Variants in ACVR2B observed in about 807,000 individuals in gnomAD.
ACVR2B encodes the protein activin receptor type-2B.
In ACVR2B, 18 loss-of-function variants were observed where a neutral mutation model predicts 65.1. The observed-to-expected ratio is 0.28, with a 90% CI of 0.19 to 0.41. The LOEUF is 0.41. Ranked by LOEUF, ACVR2B falls within the 10% of genes least tolerant of loss-of-function variation. The pLI is 1.00. For synonymous variants in ACVR2B, 298 were observed against 277.7 expected (o/e 1.07, Z -0.73); for missense variants, 482 against 682.7 (o/e 0.71, Z 3.28).
At position 38,478,409 on chromosome 3, in the gene ACVR2B, G is replaced by A; in HGVS notation, c.557G>A (p.Gly186Asp). ...PGPPPPSPLV[G>D]LKPLQLLEIK... is the part of the protein sequence containing the mutation. ...CCTCCACCACCATCCCCTCTGGTGG[G>A]CCTGAAGCCACTGCAGCTGCTGGAG... Residue 186 changes from glycine (G) to aspartate (D), a missense_variant, in exon 5 of 11, where the codon GGC becomes GAC. Coordinates refer to ENST00000352511, the MANE Select transcript of ACVR2B (RefSeq NM_001106.4). The A allele has an allele frequency of 6.2e-7, 1 of 1,614,122 alleles. No individual in the cohort carries two copies. The highest frequency in any genetic ancestry group is 8.5e-7 in the Non-Finnish European group (1 of 1,180,022).
At chr3:38,457,957 T>A (rs1204954942) in intron 1 of ACVR2B, among the ~76,000 whole-genome samples, 1 of 152,020 alleles carries the variant, frequency 6.6e-6, no homozygotes, top group African/African-American at 2.4e-5. Context: ...TCCTTGTATC[T>A]GCTGGGCACT....
At position 38,477,261 on chromosome 3, in the gene ACVR2B, G is replaced by GTGGT. The variant is rs752939728; in HGVS notation, c.53-24_53-21dup. ...GGTGGTGGTCCCAGGGGCATGCTCA[G>GTGGT]TGGTTCTCTTTTCTCTGGGGCACAG... On this transcript the variant is annotated intron_variant, in intron 1 of 10. Coordinates refer to ENST00000352511, the MANE Select transcript of ACVR2B (RefSeq NM_001106.4). This position sits in a 1 kb window ranked among gnomAD's most constrained non-coding sequence, Gnocchi z 6.7. The GTGGT allele has an allele frequency of 5.3e-5, 85 of 1,613,352 alleles. No homozygotes were observed. The highest frequency in any genetic ancestry group is 1.2e-4 in the Admixed American group (7 of 59,996).
Position 38,453,972 on chromosome 3 carries a change from G to A in ACVR2B, c.-351G>A, listed in dbSNP as rs1299073246. The A allele has an allele frequency of 1.4e-5, 2 of 141,160 alleles. No homozygotes were observed. The highest frequency in any genetic ancestry group is 4.2e-4 in the East Asian group (2 of 4,736). 8.7% of individuals were successfully genotyped at this position (141,160 alleles called of 1,614,324 possible). On this transcript the variant is annotated 5_prime_UTR_variant, in exon 1 of 11. Transcript: ENST00000352511. The stretch of plus-strand genomic sequence containing the variant: ...CCCCCCACCCCTCCCCCCGTTCATG[G>A]CCCCTCCGGACTCGGCCCCTGCGCC...
chr3:38,455,014 G>C (rs1191303096), intron 1 of ACVR2B, among the ~76,000 whole-genome samples: 2 of 152,058 alleles, frequency 1.3e-5, no homozygotes, highest in African/African-American at 4.8e-5. Context: ...AGGGGAGGGG[G>C]TGGGTAAGAT....
At chr3:38,461,656 G>A (rs1040186927) in intron 1 of ACVR2B, among the ~76,000 whole-genome samples, 1 of 151,924 alleles carries the variant, frequency 6.6e-6, no homozygotes, top group African/African-American at 2.4e-5. Flanking sequence ...GGGTATAGTT[G>A]GGGGAGTAGA....
At chr3:38,468,778 T>G (rs1288373343) in intron 1 of ACVR2B, among the ~76,000 whole-genome samples, 2 of 152,210 alleles carry the variant, frequency 1.3e-5, no homozygotes, top group African/African-American at 4.8e-5. Context: ...TGAAATGTCA[T>G]TTCTGTAGTT....
intron 1 of ACVR2B, chr3:38,459,656 G>A: frequency 1.0e-6 from 1 of 985,462 alleles, no homozygotes; most frequent in Non-Finnish European, 1.2e-6. Context: ...CCAGGCCGGG[G>A]ACACCAGGGC....
At chr3:38,458,250 G>A (rs865901887) in intron 1 of ACVR2B, among the ~76,000 whole-genome samples, 1 of 152,154 alleles carries the variant, frequency 6.6e-6, no homozygotes, top group Non-Finnish European at 1.5e-5. Flanking sequence ...AGGAGCCAAT[G>A]AAGAGCCCAC....
intron 1 of ACVR2B, among the ~76,000 whole-genome samples, chr3:38,466,483 G>A (rs760763724): frequency 2.0e-5 from 3 of 150,944 alleles, no homozygotes; most frequent in South Asian, 2.1e-4. Flanking sequence ...CAGTTATTAC[G>A]TGTCAATTTT....
chr3:38,478,585 G>T, intron 5 of ACVR2B, 67 bp downstream of exon 5: 1 of 1,608,278 alleles, frequency 6.2e-7, no homozygotes. Flanking sequence ...AGGCTCTCCT[G>T]ACCTGGGGCA....
intron 1 of ACVR2B, chr3:38,476,910 A>G: frequency 5.7e-6 from 2 of 348,204 alleles, no homozygotes; most frequent in Non-Finnish European, 1.1e-5. Context: ...CTGCTGCAGC[A>G]GGGAAGTAGC....
chr3:38,460,102 C>T (rs1046495156), intron 1 of ACVR2B, among the ~76,000 whole-genome samples: 2 of 152,204 alleles, frequency 1.3e-5, no homozygotes, highest in Admixed American at 1.3e-4. Flanking sequence ...GAAGTGCTTG[C>T]TGAGGTTCAG....
rs1490003311 is a variant in ACVR2B, at chr3:38,454,098, G to A, written c.-225G>A. ...GGCCCCCGCGTCGCCCCGGAGCCCG[G>A]GCCGCAGCCTGCGCCGCCCGCAGCG... On this transcript the variant is annotated 5_prime_UTR_variant, in exon 1 of 11. Transcript: ENST00000352511. The A allele has an allele frequency of 6.1e-6, 1 of 162,872 alleles. No homozygotes were observed. The highest frequency in any genetic ancestry group is 1.3e-5 in the Non-Finnish European group (1 of 78,800). The allele number at this position is 162,872 out of a possible 1,614,324, so 10.1% of individuals were successfully genotyped here.
chr3:38,461,184 A>G (rs1240721912), intron 1 of ACVR2B, among the ~76,000 whole-genome samples: 1 of 152,174 alleles, frequency 6.6e-6, no homozygotes, highest in African/African-American at 2.4e-5. Flanking sequence ...GTCCAGTGCC[A>G]TTGACAACCC....
In ACVR2B at chr3:38,462,218, C is replaced by T. The variant is rs148121279; in HGVS notation, c.52+7844C>T. Among the ~76,000 whole-genome samples, 114 of 151,892 alleles carry T rather than the reference C, an allele frequency of 7.5e-4. No individual in the cohort carries two copies. In the East Asian group the frequency reaches 0.018, roughly 24 times the overall value. On this transcript the variant is annotated intron_variant, in intron 1 of 10. Coordinates refer to ENST00000352511, the MANE Select transcript of ACVR2B (RefSeq NM_001106.4). ...CAAAATAAATAAATAAATAAACAAA[C>T]AAATAAATAAATAAATAAATAGGCT...
chr3:38,454,686 T>G, intron 1 of ACVR2B: 1 of 258,504 alleles, frequency 3.9e-6, no homozygotes, highest in Non-Finnish European at 7.3e-6. Flanking sequence ...AGGGAAAGAG[T>G]GAGGAAAACC....
Position 38,481,335 on chromosome 3 carries a change from C to T in ACVR2B, c.960-16C>T, listed in dbSNP as rs769382511. The T allele has an allele frequency of 3.1e-6, 5 of 1,595,604 alleles. No homozygotes were observed. The highest frequency in any genetic ancestry group is 1.1e-5 in the South Asian group (1 of 90,688). ...TCATGATGTTAAGCTTTATCTCTGC[C>T]CACTTGTTTCCACAGGGACTTTAAA... is the stretch of plus-strand genomic sequence containing the variant. On this transcript the variant is annotated splice_polypyrimidine_tract_variant and intron_variant, in intron 7 of 10. Coordinates refer to ENST00000352511, the MANE Select transcript of ACVR2B (RefSeq NM_001106.4). This position sits in a 1 kb window ranked among gnomAD's most constrained non-coding sequence, Gnocchi z 4.7.
intron 1 of ACVR2B, among the ~76,000 whole-genome samples, chr3:38,462,639 A>T (rs1709668105): frequency 6.6e-6 from 1 of 152,166 alleles, no homozygotes. Flanking sequence ...GCTTTGGCAA[A>T]CTTTCTGATA....
chr3:38,460,695 G>T (rs1334521001), intron 1 of ACVR2B, among the ~76,000 whole-genome samples: 1 of 152,236 alleles, frequency 6.6e-6, no homozygotes, highest in Middle Eastern at 3.2e-3. Flanking sequence ...GGGCAAATGT[G>T]AGGCCCTCTT....
Sources: gnomAD v4.1 joint callset for allele counts (sites outside exome capture counted in the v4.1 genomes callset) on GRCh38, gnomAD v4.1.1 for gene constraint, Gnocchi (gnomAD v3.1) non-coding constraint, MANE v1.5 for transcripts, NCBI Gene and HGNC (gene_info 2026-07-23, HGNC 2026-07-21) for gene names.